The following RFTN1 variants were observed in gnomAD, a reference collection of about 807,000 sequenced individuals.
The protein encoded by RFTN1 is raftlin, lipid raft linker 1.
Under a neutral mutation model 46.5 loss-of-function variants are expected in RFTN1, and 26 were observed. That is an observed-to-expected ratio of 0.56 (90% CI 0.41 to 0.78). The LOEUF (loss-of-function observed/expected upper bound fraction) is 0.78, where lower values mean the gene tolerates loss of function less well. Ranked by LOEUF, RFTN1 falls within the 30% of genes least tolerant of loss-of-function variation. RFTN1 has a pLI of 0.00. For missense variants in RFTN1, 693 were observed against 718.7 expected (o/e 0.96, Z 0.41); for synonymous variants, 261 against 284.2 (o/e 0.92, Z 0.82).
intron 1 of RFTN1, among the ~76,000 whole-genome samples, chr3:16,501,130 T>C (rs1192990743): frequency 6.6e-6 from 1 of 152,082 alleles, no homozygotes; most frequent in African/African-American, 2.4e-5. Flanking sequence ...GAGCAAGACT[T>C]GTCTGTAACA....
At position 16,329,576 on chromosome 3, in the gene RFTN1, C is replaced by T. The variant is rs374418393; in HGVS notation, c.1147-2700G>A. On this transcript the variant is annotated intron_variant, in intron 7 of 9. Transcript: ENST00000334133. This position sits in a 1 kb window ranked among gnomAD's most constrained non-coding sequence, Gnocchi z 4.5. The stretch of plus-strand genomic sequence containing the variant: ...ACCTCCCTTCCAGACCAGCACAGCC[C>T]GTATTCCTCCTGCTGGGTGCCACGC... Among the ~76,000 whole-genome samples, 13 of 152,264 alleles carry T rather than the reference C, an allele frequency of 8.5e-5. No individual in the cohort carries two copies. Among genetic ancestry groups the T allele is most frequent in the Non-Finnish European group, 1.6e-4 (11 of 68,010 alleles).
rs749354978 is a variant in RFTN1, at chr3:16,418,002, C to A, written c.333-8519G>T. On this transcript the variant is annotated intron_variant, in intron 3 of 9. Transcript: ENST00000334133. The surrounding 1 kb of genome is among the most constrained non-coding windows in gnomAD (Gnocchi z 5.0). ...GATTACAGGTGTGAGCAACCATGCC[C>A]GGCCTTGTCTGACCCATTTAAACAG... 6.6e-6 allele frequency among the ~76,000 whole-genome samples: 1 copy of A among 152,200 alleles called. No individual in the cohort carries two copies. The highest frequency in any genetic ancestry group is 1.5e-5 in the Non-Finnish European group (1 of 68,036).
Position 16,374,829 on chromosome 3 carries a change from G to A in RFTN1, c.826+2889C>T, listed in dbSNP as rs914082168. On this transcript the variant is annotated intron_variant, in intron 5 of 9. Transcript: ENST00000334133. The surrounding 1 kb of genome is among the most constrained non-coding windows in gnomAD (Gnocchi z 5.4). ...CCCCCAGACCAGGAAATAAGTCAGC[G>A]AGCAGGAAGAGGAACCCACGGCGGG... Among the ~76,000 whole-genome samples, 6 of 152,142 alleles carry A rather than the reference G, an allele frequency of 3.9e-5. No homozygotes were observed. Among genetic ancestry groups the A allele is most frequent in the Non-Finnish European group, 5.9e-5 (4 of 68,028 alleles).
intron 6 of RFTN1, 93 bp downstream of exon 6, chr3:16,369,983 G>T: frequency 2.5e-6 from 3 of 1,189,426 alleles, no homozygotes; most frequent in Non-Finnish European, 2.5e-6. Flanking sequence ...AGAGCTTTCT[G>T]AATGAAGCAG....
rs1448261985 is a variant in RFTN1 at position 16,460,191 on chromosome 3, A to G, written c.146-26154T>C. Among the ~76,000 whole-genome samples, 2 of 152,148 alleles carry G rather than the reference A, an allele frequency of 1.3e-5. No homozygotes were observed. The highest frequency in any genetic ancestry group is 4.8e-5 in the African/African-American group (2 of 41,420). On this transcript the variant is annotated intron_variant, in intron 2 of 9. Coordinates refer to ENST00000334133, the MANE Select transcript of RFTN1 (RefSeq NM_015150.2). This position sits in a 1 kb window ranked among gnomAD's most constrained non-coding sequence, Gnocchi z 4.8. ...CCCTGCAAAACACAGAAGTGTCTCA[A>G]TTTCTCTTTTTCCACCGTGATTTTT...
chr3:16,438,501 C>A (rs1364784875), intron 2 of RFTN1, among the ~76,000 whole-genome samples: 2 of 132,806 alleles, frequency 1.5e-5, no homozygotes, highest in African/African-American at 5.7e-5. Context: ...GGGAGGATCA[C>A]TTGAGTCCAG....
At chr3:16,438,534 G>C (rs921199421) in intron 2 of RFTN1, among the ~76,000 whole-genome samples, 1 of 119,352 alleles carries the variant, frequency 8.4e-6, no homozygotes, top group African/African-American at 3.2e-5. Context: ...GCAGTGAGCT[G>C]AAATCGTGCC....
chr3:16,455,275 T>C (rs2075886561), intron 2 of RFTN1, among the ~76,000 whole-genome samples: 1 of 152,322 alleles, frequency 6.6e-6, no homozygotes, highest in Admixed American at 6.5e-5. Flanking sequence ...AATGATGTTA[T>C]TTTCAGGGGG....
chr3:16,509,496 G>A lies in RFTN1; in HGVS notation c.-9+3946C>T, dbSNP rs143986858. ...CATGAGGATTAAATTCAGATAATGCGTGCAAAATGTACAACAGTGCCTGGC... is the reference window on the plus strand; with the variant it reads ...CATGAGGATTAAATTCAGATAATGCATGCAAAATGTACAACAGTGCCTGGC... On this transcript the variant is annotated intron_variant, in intron 1 of 9. Transcript: ENST00000334133. This position sits in a 1 kb window ranked among gnomAD's most constrained non-coding sequence, Gnocchi z 4.9. Among the ~76,000 whole-genome samples the A allele has an allele frequency of 3.9e-4, 60 of 152,298 alleles. No individual in the cohort carries two copies. In the East Asian group the frequency reaches 4.6e-3, roughly 12 times the overall value.
At chr3:16,409,604 A>C (rs1575246341) in intron 3 of RFTN1, 121 bp from the exon 4 acceptor site, 7 of 587,580 alleles carry the variant, frequency 1.2e-5, no homozygotes, top group East Asian at 3.5e-5. Context: ...TGCAACCCCC[A>C]CCTCCCGGGT....
In RFTN1 at chr3:16,473,338, G is replaced by A. The variant is rs185319984; in HGVS notation, c.145+20387C>T. 2.6e-5 allele frequency among the ~76,000 whole-genome samples: 4 copies of A among 152,114 alleles called. No homozygotes were observed. The highest frequency in any genetic ancestry group is 9.6e-5 in the African/African-American group (4 of 41,510). Reference sequence around the variant, plus strand: ...CCTATTGAAAAATCCAGTAAGACTTGAAGTACCTTCCTGTCAGATGATTAA... The same window carrying A: ...CCTATTGAAAAATCCAGTAAGACTTAAAGTACCTTCCTGTCAGATGATTAA... On this transcript the variant is annotated intron_variant, in intron 2 of 9. Coordinates refer to ENST00000334133, the MANE Select transcript of RFTN1 (RefSeq NM_015150.2). This position sits in a 1 kb window ranked among gnomAD's most constrained non-coding sequence, Gnocchi z 5.3.
Position 16,407,971 on chromosome 3 carries a change from G to A in RFTN1, c.441+1404C>T, listed in dbSNP as rs1207461567. Among the ~76,000 whole-genome samples, 1 of 152,122 alleles carries A rather than the reference G, an allele frequency of 6.6e-6. No homozygotes were observed. The highest frequency in any genetic ancestry group is 1.5e-5 in the Non-Finnish European group (1 of 68,028). ...CCTGGAGCCTGAACACTCAATACAT[G>A]TTGAAGGGAGGGTGGCAGCAAGGAA... On this transcript the variant is annotated intron_variant, in intron 4 of 9. Transcript: ENST00000334133. The surrounding 1 kb of genome is among the most constrained non-coding windows in gnomAD (Gnocchi z 4.0).
chr3:16,382,011 T>C lies in RFTN1; in HGVS notation c.442-3909A>G, dbSNP rs1374596723. On this transcript the variant is annotated intron_variant, in intron 4 of 9. Transcript: ENST00000334133. The surrounding 1 kb of genome is among the most constrained non-coding windows in gnomAD (Gnocchi z 4.7). ...ACTTCAGCACAAATTTTGTATCTTATACCATAGTGCTACCTAGGATCCAAA... is the reference window on the plus strand; with the variant it reads ...ACTTCAGCACAAATTTTGTATCTTACACCATAGTGCTACCTAGGATCCAAA... Among the ~76,000 whole-genome samples the C allele has an allele frequency of 6.6e-6, 1 of 152,176 alleles. No individual in the cohort carries two copies. Among genetic ancestry groups the C allele is most frequent in the Non-Finnish European group, 1.5e-5 (1 of 68,018 alleles).
intron 4 of RFTN1, among the ~76,000 whole-genome samples, chr3:16,378,924 T>C (rs2073885520): frequency 1.3e-5 from 2 of 152,178 alleles, no homozygotes; most frequent in South Asian, 4.1e-4. Context: ...CCCAAGGCAA[T>C]TGGGTTGAAT....
intron 6 of RFTN1, among the ~76,000 whole-genome samples, chr3:16,359,535 C>T (rs1040590519): frequency 7.9e-5 from 12 of 152,136 alleles, no homozygotes; most frequent in Non-Finnish European, 2.9e-5. Context: ...CTCTCCCTTT[C>T]CTGGCGTGTG....
chr3:16,397,085 A>AAAG (rs2074486863), intron 4 of RFTN1, among the ~76,000 whole-genome samples: 1 of 149,896 alleles, frequency 6.7e-6, no homozygotes, highest in Non-Finnish European at 1.5e-5. Flanking sequence ...AAAAAAAAAA[A>AAAG]AGAGAGAGAG....
intron 2 of RFTN1, among the ~76,000 whole-genome samples, chr3:16,455,960 C>T (rs951880024): frequency 2.6e-5 from 4 of 151,328 alleles, no homozygotes; most frequent in African/African-American, 9.7e-5. Context: ...TCCCCCGACA[C>T]CTCCCTCCCA....
chr3:16,399,349 C>T (rs1294048069), intron 4 of RFTN1, among the ~76,000 whole-genome samples: 2 of 152,138 alleles, frequency 1.3e-5, no homozygotes, highest in Admixed American at 6.5e-5. Context: ...TAAATGGCAG[C>T]GGTTTTTAAT....
In RFTN1 at chr3:16,316,928, G is replaced by A; in HGVS notation, c.1637C>T (p.Ala546Val). ...VQNGPASHSRALVGICTGHSN... is the reference protein window; with the variant it reads ...VQNGPASHSRVLVGICTGHSN... ...GTGCCCAGTGCAAATCCCCACCAGG[G>A]CCCTGCTGTGGCTGGCAGGACCATT... Residue 546 changes from alanine to valine, a missense_variant, in exon 10 of 10, where the codon GCC (alanine) becomes GTC (valine). By Grantham distance (64) the Ala-to-Val change is moderately conservative. Transcript: ENST00000334133. The surrounding 1 kb of genome is among the most constrained non-coding windows in gnomAD (Gnocchi z 4.5). 2 of 1,614,038 alleles carry A rather than the reference G, an allele frequency of 1.2e-6. No individual in the cohort carries two copies. The highest frequency in any genetic ancestry group is 1.3e-5 in the African/African-American group (1 of 75,006).
Sources: gnomAD v4.1 joint callset for allele counts (sites outside exome capture counted in the v4.1 genomes callset) on GRCh38, gnomAD v4.1.1 for gene constraint, Gnocchi (gnomAD v3.1) non-coding constraint, MANE v1.5 for transcripts, NCBI Gene and HGNC (gene_info 2026-07-23, HGNC 2026-07-21) for gene names.